Variants in MNAT1 observed in about 807,000 individuals in gnomAD.
MNAT1 encodes the protein CDK-activating kinase assembly factor MAT1.
In MNAT1, 43 loss-of-function variants were observed where a neutral mutation model predicts 42.0. That is an observed-to-expected ratio of 1.02 (90% CI 0.80 to 1.32). The LOEUF (loss-of-function observed/expected upper bound fraction) is 1.32. Ranked by LOEUF, MNAT1 falls within the 40% of genes most tolerant of loss-of-function variation. The pLI is 0.00. For missense variants in MNAT1, 306 were observed against 350.4 expected, an observed-to-expected ratio of 0.87 and a Z score of 1.01; for synonymous variants, 118 against 120.0, an observed-to-expected ratio of 0.98 and a Z score of 0.11.
At chr14:60,904,884 G>A (rs1030822270) in intron 7 of MNAT1, among the ~76,000 whole-genome samples, 5 of 151,152 alleles carry the variant, frequency 3.3e-5, no homozygotes, top group Admixed American at 1.3e-4. Flanking sequence ...AGTAGATCCC[G>A]TGGATCTTAT....
intron 3 of MNAT1, among the ~76,000 whole-genome samples, chr14:60,802,069 A>T (rs1202527530): frequency 6.6e-6 from 1 of 152,212 alleles, no homozygotes; most frequent in Non-Finnish European, 1.5e-5. Context: ...GAATCTAAAA[A>T]AGTTGAACTT....
At position 60,969,937 on chromosome 14, in the gene MNAT1, A is replaced by G. The variant is rs900122777; in HGVS notation, c.*1588A>G. On this transcript the variant is annotated 3_prime_UTR_variant, in exon 8 of 8. Transcript: ENST00000261245. ...ATTGCATGCACCTGGTTTGGCAAATAAATTCCAAAACCTTTATACATTTGT... is the reference window on the plus strand; with the variant it reads ...ATTGCATGCACCTGGTTTGGCAAATGAATTCCAAAACCTTTATACATTTGT... The G allele has an allele frequency of 2.0e-5, 3 of 152,224 alleles. No individual in the cohort carries two copies. Among genetic ancestry groups the G allele is most frequent in the African/African-American group, 7.2e-5 (3 of 41,466 alleles). 9.4% of individuals were successfully genotyped at this position (152,224 alleles called of 1,614,324 possible).
At chr14:60,776,573 G>T (rs562711890) in intron 1 of MNAT1, among the ~76,000 whole-genome samples, 56 of 152,264 alleles carry the variant, frequency 3.7e-4, no homozygotes, top group East Asian at 5.8e-4. Flanking sequence ...ACTGTCCTGG[G>T]GGGGGAGGAG....
At chr14:60,851,931 T>G (rs1380527602) in intron 6 of MNAT1, among the ~76,000 whole-genome samples, 2 of 152,330 alleles carry the variant, frequency 1.3e-5, no homozygotes, top group East Asian at 3.9e-4. Flanking sequence ...TGTGCCACAT[T>G]TTCTTTATCC....
intron 7 of MNAT1, among the ~76,000 whole-genome samples, chr14:60,891,226 T>C (rs1038130228): frequency 6.6e-6 from 1 of 152,136 alleles, no homozygotes; most frequent in African/African-American, 2.4e-5. Flanking sequence ...TCTTCTCTCG[T>C]TTTTTCTTAG....
intron 7 of MNAT1, among the ~76,000 whole-genome samples, chr14:60,880,246 G>A (rs1255513209): frequency 2.0e-5 from 3 of 152,194 alleles, no homozygotes; most frequent in Non-Finnish European, 4.4e-5. Flanking sequence ...ACATTTATGA[G>A]CCATGAGCCA....
intron 1 of MNAT1, among the ~76,000 whole-genome samples, chr14:60,754,214 T>G (rs1466296099): frequency 1.3e-5 from 2 of 152,362 alleles, no homozygotes; most frequent in South Asian, 2.1e-4. Flanking sequence ...CTTGGTGGTG[T>G]TTTGTTATGC....
chr14:60,735,538 G>C (rs2140278970), intron 1 of MNAT1, among the ~76,000 whole-genome samples: 1 of 152,294 alleles, frequency 6.6e-6, no homozygotes, highest in Admixed American at 6.5e-5. Flanking sequence ...GCCAGACAGT[G>C]TTCTAAGCGC....
At chr14:60,948,177 T>A (rs1371121769) in intron 7 of MNAT1, among the ~76,000 whole-genome samples, 1 of 152,190 alleles carries the variant, frequency 6.6e-6, no homozygotes, top group East Asian at 1.9e-4. Context: ...ACGCCTGTAA[T>A]CTCAGCGCTT....
At chr14:60,958,156 G>T (rs1416582277) in intron 7 of MNAT1, among the ~76,000 whole-genome samples, 1 of 152,164 alleles carries the variant, frequency 6.6e-6, no homozygotes, top group Admixed American at 6.5e-5. Flanking sequence ...ATGTTTCTAA[G>T]TAGTGGCCTT....
chr14:60,927,125 A>T lies in MNAT1; in HGVS notation c.810-41104A>T, dbSNP rs1268141643. ...AAAGTTAATTTACATGTTCAAAAGG[A>T]AAACTATATCTTCTGACTTGATGTG... On this transcript the variant is annotated intron_variant, in intron 7 of 7. Coordinates refer to ENST00000261245, the MANE Select transcript of MNAT1 (RefSeq NM_002431.4). 3.3e-5 allele frequency among the ~76,000 whole-genome samples: 5 copies of T among 152,208 alleles called. 1 individual carries two copies. The highest frequency in any genetic ancestry group is 7.3e-5 in the Non-Finnish European group (5 of 68,034).
At chr14:60,863,323 G>T (rs190510918) in intron 6 of MNAT1, among the ~76,000 whole-genome samples, 2 of 151,962 alleles carry the variant, frequency 1.3e-5, no homozygotes, top group African/African-American at 4.8e-5. Flanking sequence ...CTCTTTTCTC[G>T]TTTCTTTTTG....
rs149955094 is a variant in MNAT1, at chr14:60,811,064, C to G, written c.421-923C>G. Among the ~76,000 whole-genome samples, 26 of 151,984 alleles carry G rather than the reference C, an allele frequency of 1.7e-4. No individual in the cohort carries two copies. The East Asian group carries it at 5.0e-3, about 29-fold the overall frequency. Reference sequence around the variant, plus strand: ...TTGTTATATCTTTCTATATGTTGATCCTTTTATCATTATATAATGTTCTTT... The same window carrying G: ...TTGTTATATCTTTCTATATGTTGATGCTTTTATCATTATATAATGTTCTTT... On this transcript the variant is annotated intron_variant, in intron 4 of 7. Coordinates refer to ENST00000261245, the MANE Select transcript of MNAT1 (RefSeq NM_002431.4).
intron 4 of MNAT1, 77 bp downstream of exon 4, chr14:60,808,505 C>T: frequency 1.2e-6 from 1 of 855,658 alleles, no homozygotes; most frequent in South Asian, 1.9e-5. Flanking sequence ...AAGCCATCTT[C>T]CTTTAAACCA....
intron 6 of MNAT1, among the ~76,000 whole-genome samples, chr14:60,838,023 A>G (rs2033440946): frequency 6.6e-6 from 1 of 152,136 alleles, no homozygotes; most frequent in South Asian, 2.1e-4. Flanking sequence ...TATTCCTGAT[A>G]TTAGTAATTT....
chr14:60,741,967 C>T (rs1896481792), intron 1 of MNAT1, among the ~76,000 whole-genome samples: 1 of 151,990 alleles, frequency 6.6e-6, no homozygotes, highest in African/African-American at 2.4e-5. Context: ...CTACATGTTT[C>T]CTTGTATTCC....
intron 6 of MNAT1, among the ~76,000 whole-genome samples, chr14:60,857,748 C>T (rs999763110): frequency 5.3e-5 from 8 of 151,956 alleles, no homozygotes; most frequent in Middle Eastern, 3.4e-3. Context: ...TGACAGGCCC[C>T]GGTGTGTGAT....
intron 1 of MNAT1, among the ~76,000 whole-genome samples, chr14:60,776,780 G>T (rs545427084): frequency 2.0e-5 from 3 of 152,296 alleles, no homozygotes; most frequent in East Asian, 3.9e-4. Context: ...CAGGAAAAAG[G>T]TGTACAACAT....
At chr14:60,877,578 T>C (rs1231692122) in intron 6 of MNAT1, among the ~76,000 whole-genome samples, 2 of 151,822 alleles carry the variant, frequency 1.3e-5, no homozygotes, top group Non-Finnish European at 2.9e-5. Flanking sequence ...AAACTAGAAA[T>C]TGGAGGAATT....
Sources: allele counts gnomAD v4.1 joint callset (sites outside exome capture counted in the v4.1 genomes callset), GRCh38; gene constraint gnomAD v4.1.1; transcripts MANE v1.5; gene names NCBI Gene and HGNC (gene_info 2026-07-23, HGNC 2026-07-21).